TASOR: variants seen among roughly 807,000 people sequenced by gnomAD.
TASOR encodes the protein protein TASOR.
TASOR carries 53 observed loss-of-function variants against 178.6 expected under a neutral mutation model. That is an observed-to-expected ratio of 0.30 (90% CI 0.24 to 0.37). The LOEUF is 0.37. TASOR is among the 10% of genes least tolerant of loss of function. The pLI, the probability that TASOR is intolerant of heterozygous loss-of-function variation, is 1.00. For synonymous variants in TASOR, 713 were observed against 696.2 expected, an observed-to-expected ratio of 1.02 and a Z score of -0.38; for missense variants, 1,815 against 1,971.4, an observed-to-expected ratio of 0.92 and a Z score of 1.50.
Position 56,623,450 on chromosome 3 carries a change from TG to T in TASOR, c.4599del (p.Gly1535AspfsTer26). 1 of 1,613,746 alleles carries T rather than the reference TG, an allele frequency of 6.2e-7. No individual in the cohort carries two copies. Among genetic ancestry groups the T allele is most frequent in the Non-Finnish European group, 8.5e-7 (1 of 1,179,998 alleles). ...TTTTGATCTGTTCCACGTGATCCTT[TG>T]GTCTCTTTCTCCCATATTTCTGAAT... ...NFHSEIWEKE[T>X]KGSRGTDQKK... On this transcript the variant is annotated frameshift_variant, in exon 24 of 24. Coordinates refer to ENST00000683822, the MANE Select transcript of TASOR (RefSeq NM_001365635.2). LOFTEE classifies it high-confidence loss of function.
At chr3:56,623,604 T>C (rs1361784781) in intron 23 of TASOR, 38 bp from the exon 24 acceptor site, 4 of 1,544,554 alleles carry the variant, frequency 2.6e-6, no homozygotes, top group Middle Eastern at 1.7e-4. Context: ...TCTATTGAAA[T>C]ACACAGTTTG....
Position 56,641,763 on chromosome 3 carries a change from G to A in TASOR, c.2216-11C>T, listed in dbSNP as rs1402007993. On this transcript the variant is annotated splice_polypyrimidine_tract_variant and intron_variant, in intron 14 of 23. Transcript: ENST00000683822. ...TAGGCTGTGGAGACTCTGAGAAAAA[G>A]GAAGTCATTGGTTGAAGTTAAGTTT... The A allele has an allele frequency of 3.2e-6, 5 of 1,580,228 alleles. No homozygotes were observed. The highest frequency in any genetic ancestry group is 3.4e-6 in the Non-Finnish European group (4 of 1,160,890).
Position 56,653,060 on chromosome 3 carries a change from T to A in TASOR, c.1369-4003A>T, listed in dbSNP as rs139206933. 5.9e-3 allele frequency among the ~76,000 whole-genome samples: 892 copies of A among 150,576 alleles called. 14 individuals are homozygous for A. Among genetic ancestry groups the A allele is most frequent in the African/African-American group, 0.021 (859 of 41,162 alleles). ...CCAGTGGATCACCTGAGGTCAGGAG[T>A]TCACAACCACTGGCCAACATGGCGA... On this transcript the variant is annotated intron_variant, in intron 11 of 23. Coordinates refer to ENST00000683822, the MANE Select transcript of TASOR (RefSeq NM_001365635.2).
At chr3:56,645,236 T>C (rs1183253861) in intron 14 of TASOR, among the ~76,000 whole-genome samples, 1 of 152,180 alleles carries the variant, frequency 6.6e-6, no homozygotes, top group Non-Finnish European at 1.5e-5. Flanking sequence ...ACTGAGCCAC[T>C]GCACTACAGC....
intron 1 of TASOR, among the ~76,000 whole-genome samples, chr3:56,679,090 T>C (rs890654136): frequency 6.6e-6 from 1 of 151,324 alleles, no homozygotes; most frequent in Non-Finnish European, 1.5e-5. Context: ...AACTAATACA[T>C]AGAAGATGAC....
chr3:56,665,937 C>A (rs1482823807), intron 7 of TASOR, among the ~76,000 whole-genome samples: 1 of 152,114 alleles, frequency 6.6e-6, no homozygotes. Flanking sequence ...CCAATGCACT[C>A]CAGCCTGGGG....
intron 16 of TASOR, 96 bp downstream of exon 16, chr3:56,639,890 T>A (rs765638729): frequency 8.3e-5 from 89 of 1,070,690 alleles, no homozygotes; most frequent in Non-Finnish European, 1.2e-4. Context: ...AAGCACCTAG[T>A]GACCCAAGAG....
chr3:56,678,077 T>C lies in TASOR; in HGVS notation c.332-4352A>G, dbSNP rs530957448. Among the ~76,000 whole-genome samples the C allele has an allele frequency of 6.6e-5, 10 of 152,262 alleles. No individual in the cohort carries two copies. In the South Asian group the frequency reaches 1.5e-3, roughly 22 times the overall value. ...TTTATAATTCAAACGAGGAAACTGA[T>C]AGTATCATAGAATTTCAACTGGAAT... On this transcript the variant is annotated intron_variant, in intron 1 of 23. Coordinates refer to ENST00000683822, the MANE Select transcript of TASOR (RefSeq NM_001365635.2).
In TASOR at chr3:56,682,807, T is replaced by C; in HGVS notation, c.200A>G (p.Gln67Arg). 1 of 1,550,386 alleles carries C rather than the reference T, an allele frequency of 6.5e-7. No individual in the cohort carries two copies. Among genetic ancestry groups the C allele is most frequent in the Middle Eastern group, 1.7e-4 (1 of 5,942 alleles). The change falls in exon 1 of 24, where the codon CAG becomes CGG. Residue 67 changes from glutamine to arginine, a missense_variant. This residue lies in a region of TASOR where 244 missense variants were observed against 202.7 expected (regional missense o/e 1.20). Transcript: ENST00000683822. ...CTGAGGCTGCTCGTGGCTGAGGCTCTGGGCGGCCTCGGCCCCCGCGTTCTC... is the reference window on the plus strand; with the variant it reads ...CTGAGGCTGCTCGTGGCTGAGGCTCCGGGCGGCCTCGGCCCCCGCGTTCTC... ...REENAGAEAAQSLSHEQPQDS... is the reference protein window; with the variant it reads ...REENAGAEAARSLSHEQPQDS...
Position 56,621,431 on chromosome 3 carries a change from T to C in TASOR, c.*1606A>G, listed in dbSNP as rs550070940. ...ATTTTTGAATGACAAAATTTTATCC[T>C]AAGCGATATGTTTTCCAAGTGAATA... On this transcript the variant is annotated 3_prime_UTR_variant, in exon 24 of 24. Transcript: ENST00000683822. 2.1e-5 allele frequency: 17 copies of C among 819,024 alleles called. 1 individual carries two copies. In the South Asian group the frequency reaches 3.9e-4, roughly 19 times the overall value. 50.7% of individuals were successfully genotyped at this position (819,024 alleles called of 1,614,324 possible). A position where few individuals can be genotyped will look rare whatever the true frequency, so the allele number is the denominator to read the frequency against.
In TASOR at chr3:56,683,175, T is replaced by G; in HGVS notation, c.-169A>C. The stretch of plus-strand genomic sequence containing the variant: ...CCTGGCAGCCTCTTGGGGGGCCCTG[T>G]AGCGGGCACCCCAAATGCGCTGCCC... On this transcript the variant is annotated 5_prime_UTR_variant, in exon 1 of 24. Transcript: ENST00000683822. 1.5e-6 allele frequency: 1 copy of G among 676,388 alleles called. No homozygotes were observed. The highest frequency in any genetic ancestry group is 2.4e-6 in the Non-Finnish European group (1 of 418,186). The allele number at this position is 676,388 out of a possible 1,614,324, so 41.9% of individuals were successfully genotyped here.
At chr3:56,680,507 GCA>G (rs1319065149) in intron 1 of TASOR, among the ~76,000 whole-genome samples, 1 of 152,198 alleles carries the variant, frequency 6.6e-6, no homozygotes, top group East Asian at 1.9e-4. Flanking sequence ...CACTGGAAAA[GCA>G]CAGTCACAAG....
chr3:56,659,500 G>A (rs1471509321), intron 11 of TASOR, among the ~76,000 whole-genome samples: 2 of 152,072 alleles, frequency 1.3e-5, no homozygotes, highest in Non-Finnish European at 2.9e-5. Flanking sequence ...AACTAGATAT[G>A]CTTCAGTATT....
chr3:56,632,910 T>C, intron 18 of TASOR, 134 bp downstream of exon 18: 1 of 706,460 alleles, frequency 1.4e-6, no homozygotes, highest in Non-Finnish European at 2.2e-6. Context: ...GTTTTGGGAT[T>C]ACAGGTATTA....
At chr3:56,682,477 C>T (rs1178902743) in intron 1 of TASOR, among the ~76,000 whole-genome samples, 199 bp downstream of exon 1, 2 of 151,838 alleles carry the variant, frequency 1.3e-5, no homozygotes, top group Non-Finnish European at 2.9e-5. Context: ...CGGGGAGGGG[C>T]AGCAGGGGAG....
chr3:56,653,348 C>T (rs2077396875), intron 11 of TASOR, among the ~76,000 whole-genome samples: 1 of 141,062 alleles, frequency 7.1e-6, no homozygotes, highest in Non-Finnish European at 1.5e-5. Flanking sequence ...ACTAATTTTC[C>T]AGAAAAAAAG....
At chr3:56,676,403 CA>C (rs1162124069) in intron 1 of TASOR, among the ~76,000 whole-genome samples, 5 of 152,170 alleles carry the variant, frequency 3.3e-5, no homozygotes, top group Admixed American at 3.3e-4. Flanking sequence ...TGTCTTCATT[CA>C]AACCTGTGTT....
chr3:56,669,456 T>C (rs2030434887), intron 5 of TASOR, among the ~76,000 whole-genome samples: 1 of 152,084 alleles, frequency 6.6e-6, no homozygotes, highest in African/African-American at 2.4e-5. Context: ...TGAGCCAAGA[T>C]GGCGCCACTG....
intron 11 of TASOR, among the ~76,000 whole-genome samples, chr3:56,649,368 T>C (rs1447534025): frequency 3.9e-5 from 6 of 152,218 alleles, no homozygotes; most frequent in Admixed American, 3.9e-4. Flanking sequence ...ACTTCAATTT[T>C]CTTCATCAGT....
Sources: gnomAD v4.1 joint callset for allele counts (sites outside exome capture counted in the v4.1 genomes callset) on GRCh38, gnomAD v4.1.1 for gene constraint, gnomAD v4.1.1 regional missense constraint, MANE v1.5 for transcripts, NCBI Gene and HGNC (gene_info 2026-07-23, HGNC 2026-07-21) for gene names.